DPRX: variants seen among roughly 807,000 people sequenced by gnomAD.
DPRX encodes the protein divergent paired-related homeobox.
DPRX carries 11 observed loss-of-function variants against 8.4 expected under a neutral mutation model. That is an observed-to-expected ratio of 1.31 (90% CI 0.82 to 2.17). DPRX has a LOEUF of 2.17. Among genes scored for constraint, DPRX ranks in the 30% most tolerant of loss-of-function variants. DPRX has a pLI of 0.00. For synonymous variants in DPRX, 72 were observed against 87.0 expected, an observed-to-expected ratio of 0.83 and a Z score of 0.96; for missense variants, 211 against 236.7, an observed-to-expected ratio of 0.89 and a Z score of 0.71.
chr19:53,606,769 C>T, the DPRX span: 1 of 151,506 alleles, frequency 6.6e-6, no homozygotes, highest in African/African-American at 2.4e-5. This position sits in a 1 kb window ranked among gnomAD's most constrained non-coding sequence, Gnocchi z 4.8. Flanking sequence ...TGGAGGGCTT[C>T]TTCTCCTGCA....
chr19:53,632,065 T>G (rs780474956), exon 1 of DPRX: 1 of 1,613,686 alleles, frequency 6.2e-7, no homozygotes. Flanking sequence ...TTGCTAGTTC[T>G]TATCCCTGGA....
the DPRX span, among the ~76,000 whole-genome samples, chr19:53,603,963 C>T: frequency 6.6e-6 from 1 of 152,012 alleles, no homozygotes; most frequent in Non-Finnish European, 1.5e-5. Flanking sequence ...CCAGGCTGGT[C>T]TCAAACTCCT....
At chr19:53,635,092 C>G (rs151068371) in intron 2 of DPRX, among the ~76,000 whole-genome samples, 1,764 of 152,254 alleles carry the variant, frequency 0.012, 22 homozygotes, top group East Asian at 0.047. Flanking sequence ...ACCACCTCAG[C>G]ACCCCAAGTA....
At chr19:53,612,141 T>TG in the DPRX span, among the ~76,000 whole-genome samples, 3 of 148,946 alleles carry the variant, frequency 2.0e-5, no homozygotes, top group African/African-American at 7.4e-5. Context: ...ACTAACACAT[T>TG]GGGGGGCCAA....
the DPRX span, among the ~76,000 whole-genome samples, chr19:53,625,062 C>CTT: frequency 5.7e-3 from 682 of 120,260 alleles, 11 homozygotes; most frequent in African/African-American, 0.01. Flanking sequence ...TCATCATGGG[C>CTT]TTTTTTTTTT....
intron 2 of DPRX, among the ~76,000 whole-genome samples, chr19:53,635,619 G>T (rs1326637515): frequency 1.3e-5 from 2 of 151,992 alleles, no homozygotes; most frequent in Non-Finnish European, 2.9e-5. Context: ...GAAATCAAGT[G>T]ATCCACCCAC....
chr19:53,624,749 C>T, the DPRX span, among the ~76,000 whole-genome samples: 3 of 145,320 alleles, frequency 2.1e-5, no homozygotes, highest in African/African-American at 5.1e-5. Context: ...AACTGAGGCA[C>T]GAGAATCGCT....
intron 1 of DPRX, among the ~76,000 whole-genome samples, chr19:53,632,850 C>T (rs2091098405): frequency 6.6e-6 from 1 of 152,182 alleles, no homozygotes. Context: ...CACCCCGATG[C>T]TTGTTCTTGA....
chr19:53,601,683 T>G, the DPRX span, among the ~76,000 whole-genome samples: 14 of 152,090 alleles, frequency 9.2e-5, no homozygotes, highest in South Asian at 6.2e-4. Context: ...AATTTCACCA[T>G]GTTGGTCAGG....
chr19:53,620,007 T>C, the DPRX span, among the ~76,000 whole-genome samples: 2,826 of 152,280 alleles, frequency 0.019, 81 homozygotes, highest in African/African-American at 0.065. Context: ...GGGACATTTC[T>C]GTGCCAAATT....
chr19:53,602,056 C>T, the DPRX span: 7 of 456,692 alleles, frequency 1.5e-5, no homozygotes, highest in South Asian at 1.1e-4. Context: ...GTGAATCCCA[C>T]AATGAGCACC....
intron 1 of DPRX, 82 bp downstream of exon 1, chr19:53,632,216 C>G: frequency 1.2e-6 from 2 of 1,600,404 alleles, no homozygotes; most frequent in Non-Finnish European, 1.7e-6. Flanking sequence ...GCAGAGGGAC[C>G]AGGCGGCCGA....
the DPRX span, chr19:53,606,747 G>A: frequency 1.3e-5 from 2 of 150,780 alleles, no homozygotes; most frequent in Admixed American, 6.7e-5. The surrounding 1 kb of genome is among the most constrained non-coding windows in gnomAD (Gnocchi z 4.8). Context: ...TATATGCACC[G>A]GGCGGTGAGG....
At chr19:53,608,972 A>G in the DPRX span, among the ~76,000 whole-genome samples, 3 of 114,962 alleles carry the variant, frequency 2.6e-5, no homozygotes, top group Non-Finnish European at 1.7e-5. Flanking sequence ...AAAAAAAAAA[A>G]AAGGAAAGAA....
At chr19:53,616,443 C>T in the DPRX span, among the ~76,000 whole-genome samples, 1 of 151,618 alleles carries the variant, frequency 6.6e-6, no homozygotes, top group Admixed American at 6.6e-5. Flanking sequence ...TTCAGCTGTC[C>T]CAGTGTCATT....
chr19:53,602,096 C>A, the DPRX span: 1 of 456,716 alleles, frequency 2.2e-6, no homozygotes, highest in South Asian at 1.5e-5. Context: ...CGATGTAGAT[C>A]AGCTCTCCAG....
rs780927204 is a variant in DPRX at position 53,634,513 on chromosome 19, T to C, written c.29-18T>C. The C allele has an allele frequency of 1.2e-6, 2 of 1,600,048 alleles. No homozygotes were observed. Among genetic ancestry groups the C allele is most frequent in the Admixed American group, 1.8e-5 (1 of 56,122 alleles). On this transcript the variant is annotated intron_variant, in intron 1 of 2. Transcript: ENST00000376650. ...TTGTTAGCATTTCCCATTTGTGTCT[T>C]TTTCCTCCTCTTTCAAGGCAAGGAC...
chr19:53,610,347 G>T, the DPRX span, among the ~76,000 whole-genome samples: 1 of 151,594 alleles, frequency 6.6e-6, no homozygotes, highest in Admixed American at 6.6e-5. Flanking sequence ...GAAGGAAAAA[G>T]AAATGATCCA....
chr19:53,632,632 T>C (rs2091097550), intron 1 of DPRX, among the ~76,000 whole-genome samples: 1 of 151,848 alleles, frequency 6.6e-6, no homozygotes, highest in Admixed American at 6.6e-5. Context: ...TTTATAGAGA[T>C]GGGGTTTCAC....
Sources: allele counts gnomAD v4.1 joint callset (sites outside exome capture counted in the v4.1 genomes callset), GRCh38; gene constraint gnomAD v4.1.1; non-coding constraint Gnocchi (gnomAD v3.1); transcripts MANE v1.5; gene names NCBI Gene and HGNC (gene_info 2026-07-23, HGNC 2026-07-21).